Variants in KICS2 observed in about 807,000 individuals in gnomAD.
KICS2 encodes the protein KICSTOR subunit 2.
In KICS2, 13 loss-of-function variants were observed where a neutral mutation model predicts 31.4. That is an observed-to-expected ratio of 0.41 (90% CI 0.27 to 0.66). The LOEUF is 0.66. Among genes scored for constraint, KICS2 ranks in the 30% least tolerant of loss-of-function variants. KICS2 has a pLI of 0.28. For missense variants in KICS2, 455 were observed against 545.4 expected (o/e 0.83, Z 1.65); for synonymous variants, 209 against 214.8 (o/e 0.97, Z 0.24).
intron 2 of KICS2, among the ~76,000 whole-genome samples, chr12:64,199,093 C>T (rs1266106167): frequency 3.2e-5 from 2 of 63,422 alleles, no homozygotes; most frequent in African/African-American, 5.8e-5. Flanking sequence ...TCCTCCCTAA[C>T]TCATTTTATG....
intron 1 of KICS2, 60 bp from the exon 2 acceptor site, chr12:64,216,023 C>T: frequency 1.4e-6 from 2 of 1,451,810 alleles, no homozygotes; most frequent in South Asian, 1.4e-5. Context: ...AAGTACCAAA[C>T]ACCTACCAAC....
chr12:64,207,776 T>C (rs1158359577), intron 2 of KICS2, among the ~76,000 whole-genome samples: 5 of 152,134 alleles, frequency 3.3e-5, no homozygotes, highest in Non-Finnish European at 7.4e-5. Flanking sequence ...CTAGTAGGCC[T>C]GCAAACACAC....
At chr12:64,189,061 G>A (rs1471324161), downstream of KICS2, among the ~76,000 whole-genome samples, 1 of 152,118 alleles carries the variant, frequency 6.6e-6, no homozygotes, top group East Asian at 1.9e-4. Flanking sequence ...GCTGAGGCAG[G>A]AGAATCACTT....
chr12:64,209,200 T>G (rs117974840), intron 2 of KICS2, among the ~76,000 whole-genome samples: 3,595 of 152,128 alleles, frequency 0.024, 85 homozygotes, highest in Non-Finnish European at 0.037. Context: ...AATTATATTA[T>G]TAATATAGTT....
At chr12:64,208,855 CTTCT>C (rs1229765977) in intron 2 of KICS2, among the ~76,000 whole-genome samples, 1 of 151,810 alleles carries the variant, frequency 6.6e-6, no homozygotes, top group East Asian at 1.9e-4. Context: ...TGATGGCTTT[CTTCT>C]TTCTTTAGAA....
In KICS2 at chr12:64,191,370, T is replaced by A. The variant is rs1019510397; in HGVS notation, c.*2472A>T. The A allele has an allele frequency of 6.6e-6, 1 of 152,216 alleles. No homozygotes were observed. Among genetic ancestry groups the A allele is most frequent in the African/African-American group, 2.4e-5 (1 of 41,456 alleles). The allele number at this position is 152,216 out of a possible 1,614,324, so 9.4% of individuals were successfully genotyped here. ...CTTCTGTTCTTTGAAATTCTTTTTG[T>A]GTTTATGTTTAAAAATAGATATACA... On this transcript the variant is annotated 3_prime_UTR_variant, in exon 3 of 3. Transcript: ENST00000398055.
intron 2 of KICS2, among the ~76,000 whole-genome samples, chr12:64,211,748 C>T (rs780762627): frequency 6.6e-6 from 1 of 151,972 alleles, no homozygotes; most frequent in African/African-American, 2.4e-5. Context: ...TATTATATAT[C>T]AAACAATTTA....
downstream of KICS2, among the ~76,000 whole-genome samples, chr12:64,188,352 C>T (rs1023130133): frequency 4.6e-5 from 7 of 152,144 alleles, no homozygotes; most frequent in South Asian, 4.2e-4. Flanking sequence ...GGTGAAACCC[C>T]GTCTCCACTA....
intron 2 of KICS2, among the ~76,000 whole-genome samples, chr12:64,212,849 G>C (rs2037593966): frequency 6.6e-6 from 1 of 152,062 alleles, no homozygotes; most frequent in Admixed American, 6.5e-5. Flanking sequence ...CAGCACTTTG[G>C]GAGGCTGAGG....
At chr12:64,187,899 T>C (rs932455019), downstream of KICS2, among the ~76,000 whole-genome samples, 1 of 152,234 alleles carries the variant, frequency 6.6e-6, no homozygotes, top group Non-Finnish European at 1.5e-5. Context: ...GAAAAGATTT[T>C]AGTTTTGAGT....
rs1202918632 is a variant in KICS2, at chr12:64,222,179, G to T, written c.59C>A (p.Thr20Lys). ...PVPVEQAVLE[T>K]FFSHLGIFSY... ...GAAGATACCCAGGTGAGAGAAGAAC[G>T]TCTCCAGCACCGCCTGTTCCACCGG... Residue 20 changes from threonine to lysine, a missense_variant, in exon 1 of 3, where the codon ACG (threonine) becomes AAG (lysine). Transcript: ENST00000398055. The T allele has an allele frequency of 1.2e-6, 2 of 1,614,102 alleles. No individual in the cohort carries two copies. The highest frequency in any genetic ancestry group is 2.2e-5 in the South Asian group (2 of 91,074).
intron 2 of KICS2, among the ~76,000 whole-genome samples, chr12:64,195,867 C>T (rs1356209494): frequency 1.3e-5 from 2 of 152,252 alleles, no homozygotes; most frequent in African/African-American, 4.8e-5. Flanking sequence ...CGGGTCACTC[C>T]CACCCGAATA....
In KICS2 at chr12:64,192,548, G is replaced by A; in HGVS notation, c.*1294C>T. 1.1e-6 allele frequency: 1 copy of A among 948,636 alleles called. No individual in the cohort carries two copies. The highest frequency in any genetic ancestry group is 1.3e-6 in the Non-Finnish European group (1 of 796,566). The allele number at this position is 948,636 out of a possible 1,614,324, so 58.8% of individuals were successfully genotyped here. ...CCTGCTGTGGACACCCAGTAAAACA[G>A]TGGCTCCACACAATCATGGGAAAAA... On this transcript the variant is annotated 3_prime_UTR_variant, in exon 3 of 3. Transcript: ENST00000398055.
chr12:64,218,616 C>T (rs1416031823), intron 1 of KICS2, among the ~76,000 whole-genome samples: 1 of 151,488 alleles, frequency 6.6e-6, no homozygotes, highest in Non-Finnish European at 1.5e-5. Context: ...AAAAGAATAG[C>T]TATCTAGTAC....
intron 2 of KICS2, among the ~76,000 whole-genome samples, chr12:64,206,251 G>A (rs888488440): frequency 1.3e-5 from 2 of 152,068 alleles, no homozygotes; most frequent in Non-Finnish European, 2.9e-5. Context: ...CACATGTGCA[G>A]AACATGCAGC....
At chr12:64,194,926 G>C (rs1036992112) in intron 2 of KICS2, among the ~76,000 whole-genome samples, 35 of 140,840 alleles carry the variant, frequency 2.5e-4, no homozygotes, top group Non-Finnish European at 4.4e-4. Context: ...TACCAAATTA[G>C]CTACAATTCA....
rs1248490415 is a variant in KICS2, at chr12:64,191,354, T to C, written c.*2488A>G. On this transcript the variant is annotated 3_prime_UTR_variant, in exon 3 of 3. Coordinates refer to ENST00000398055, the MANE Select transcript of KICS2 (RefSeq NM_152440.5). ...TAATATTCACATCTGCCTTCTGTTC[T>C]TTGAAATTCTTTTTGTGTTTATGTT... 1 of 152,260 alleles carries C rather than the reference T, an allele frequency of 6.6e-6. No homozygotes were observed. Among genetic ancestry groups the C allele is most frequent in the Non-Finnish European group, 1.5e-5 (1 of 68,044 alleles). The allele number at this position is 152,260 out of a possible 1,614,324, so 9.4% of individuals were successfully genotyped here.
chr12:64,212,789 A>G (rs1254508199), intron 2 of KICS2, among the ~76,000 whole-genome samples: 1 of 152,198 alleles, frequency 6.6e-6, no homozygotes, highest in Non-Finnish European at 1.5e-5. Context: ...ATAAAAAATT[A>G]GAGGAAAAAG....
chr12:64,190,492 G>A (rs2037370371), downstream of KICS2, among the ~76,000 whole-genome samples: 1 of 152,250 alleles, frequency 6.6e-6, no homozygotes, highest in South Asian at 2.1e-4. Context: ...TTTTCTGCTG[G>A]ACACAGTGGC....
Sources: gnomAD v4.1 joint callset for allele counts (sites outside exome capture counted in the v4.1 genomes callset) on GRCh38, gnomAD v4.1.1 for gene constraint, MANE v1.5 for transcripts, NCBI Gene and HGNC (gene_info 2026-07-23, HGNC 2026-07-21) for gene names.